The following RAD51B variants were observed in gnomAD, a reference collection of about 807,000 sequenced individuals.
The protein encoded by RAD51B is RAD51 paralog B.
In RAD51B, 38 loss-of-function variants were observed where a neutral mutation model predicts 42.2. That is an observed-to-expected ratio of 0.90 (90% CI 0.70 to 1.18). The LOEUF (loss-of-function observed/expected upper bound fraction) is 1.18, where lower values mean the gene tolerates loss of function less well. RAD51B is among the 50% of genes most tolerant of loss of function. RAD51B has a pLI of 0.00. For missense variants in RAD51B, 373 were observed against 400.7 expected, an observed-to-expected ratio of 0.93 and a Z score of 0.59; for synonymous variants, 154 against 145.2, an observed-to-expected ratio of 1.06 and a Z score of -0.43.
intron 7 of RAD51B, among the ~76,000 whole-genome samples, chr14:68,185,395 G>A (rs2079137815): frequency 1.3e-5 from 2 of 152,088 alleles, no homozygotes; most frequent in Admixed American, 1.3e-4. Flanking sequence ...GCAAGAGGAA[G>A]GAATTCCATA....
chr14:68,202,399 A>G (rs2079504498), intron 7 of RAD51B, among the ~76,000 whole-genome samples: 1 of 152,186 alleles, frequency 6.6e-6, no homozygotes, highest in African/African-American at 2.4e-5. Context: ...AACCCATAGT[A>G]GAACTTTAAA....
chr14:68,465,312 C>A (rs1305540407), intron 9 of RAD51B, among the ~76,000 whole-genome samples: 1 of 152,136 alleles, frequency 6.6e-6, no homozygotes, highest in Non-Finnish European at 1.5e-5. Context: ...TCTGGCACAG[C>A]TATAGTTTAG....
At chr14:68,630,674 G>A (rs1892206294) in intron 10 of RAD51B, among the ~76,000 whole-genome samples, 1 of 152,106 alleles carries the variant, frequency 6.6e-6, no homozygotes, top group Admixed American at 6.5e-5. Context: ...TCAGAGGGTG[G>A]GATCGTTCCA....
At chr14:68,001,038 C>T (rs569889836) in intron 7 of RAD51B, among the ~76,000 whole-genome samples, 1 of 151,802 alleles carries the variant, frequency 6.6e-6, no homozygotes, top group Non-Finnish European at 1.5e-5. Flanking sequence ...GACTTTTGTC[C>T]TCAAAGATCT....
At chr14:68,599,137 G>A (rs1429693182), downstream of RAD51B, among the ~76,000 whole-genome samples, 2 of 152,196 alleles carry the variant, frequency 1.3e-5, no homozygotes, top group Admixed American at 6.5e-5. Flanking sequence ...ACATCGGCCA[G>A]TACCCTATTC....
intron 7 of RAD51B, among the ~76,000 whole-genome samples, chr14:67,931,009 C>T (rs900523021): frequency 6.6e-6 from 1 of 151,946 alleles, no homozygotes; most frequent in Admixed American, 6.6e-5. Context: ...CAAGCTCCGC[C>T]GCCTGCATTC....
At chr14:68,289,618 G>T (rs1168687846) in intron 7 of RAD51B, among the ~76,000 whole-genome samples, 1 of 152,092 alleles carries the variant, frequency 6.6e-6, no homozygotes, top group Non-Finnish European at 1.5e-5. Flanking sequence ...GGAAGCTGAG[G>T]CAGGAGAAAT....
At chr14:68,384,873 A>G (rs540779698) in intron 8 of RAD51B, among the ~76,000 whole-genome samples, 90 of 152,232 alleles carry the variant, frequency 5.9e-4, no homozygotes, top group African/African-American at 2.1e-3. Flanking sequence ...GTATACTCCA[A>G]TTGTGGGTGA....
chr14:68,573,804 G>T (rs1889827954), intron 10 of RAD51B, among the ~76,000 whole-genome samples: 1 of 152,208 alleles, frequency 6.6e-6, no homozygotes, highest in African/African-American at 2.4e-5. Context: ...CCACCAAGGG[G>T]GCAGGCCTTC....
intron 8 of RAD51B, among the ~76,000 whole-genome samples, chr14:68,346,362 T>C (rs1484131094): frequency 1.3e-5 from 2 of 152,200 alleles, no homozygotes; most frequent in Non-Finnish European, 2.9e-5. Context: ...AAAGATCCCA[T>C]TCCTCCTCTT....
At chr14:68,562,990 G>C in intron 10 of RAD51B, 1 of 985,430 alleles carries the variant, frequency 1.0e-6, no homozygotes, top group Non-Finnish European at 1.2e-6. Context: ...GCTGCTGCCG[G>C]TCCCTCCAGA....
chr14:68,608,340 A>T (rs1891536937), intron 10 of RAD51B, among the ~76,000 whole-genome samples: 1 of 152,202 alleles, frequency 6.6e-6, no homozygotes, highest in Non-Finnish European at 1.5e-5. Flanking sequence ...TAAGAGGGGA[A>T]GTGCTGAGGG....
At chr14:67,948,269 A>G (rs1220783474) in intron 7 of RAD51B, among the ~76,000 whole-genome samples, 1 of 152,152 alleles carries the variant, frequency 6.6e-6, no homozygotes, top group Non-Finnish European at 1.5e-5. Flanking sequence ...ATCAGATGTG[A>G]TTAAGTTCAG....
chr14:68,338,097 A>G (rs372761139), intron 8 of RAD51B, among the ~76,000 whole-genome samples: 2 of 152,212 alleles, frequency 1.3e-5, no homozygotes, highest in South Asian at 4.1e-4. Flanking sequence ...AGGCCCAAAA[A>G]TCTTTTATTT....
At chr14:68,433,437 T>G (rs1200947275) in intron 9 of RAD51B, among the ~76,000 whole-genome samples, 1 of 152,176 alleles carries the variant, frequency 6.6e-6, no homozygotes, top group African/African-American at 2.4e-5. Flanking sequence ...TTGGAGGCTT[T>G]GTTCATTTCT....
intron 10 of RAD51B, among the ~76,000 whole-genome samples, chr14:68,556,929 C>T (rs1367361232): frequency 6.6e-6 from 1 of 152,292 alleles, no homozygotes; most frequent in East Asian, 1.9e-4. Context: ...CTTCCTCACA[C>T]CTCATTCCAT....
intron 11 of RAD51B, among the ~76,000 whole-genome samples, chr14:68,676,511 T>A (rs1893305584): frequency 6.6e-6 from 1 of 152,170 alleles, no homozygotes; most frequent in African/African-American, 2.4e-5. Flanking sequence ...TGCTTTGTAG[T>A]TCTGGAAACT....
chr14:68,637,885 A>G (rs1453192348), intron 10 of RAD51B, among the ~76,000 whole-genome samples: 1 of 152,242 alleles, frequency 6.6e-6, no homozygotes, highest in East Asian at 1.9e-4. Context: ...CCCACAGCAC[A>G]TTTTAGCACA....
At chr14:68,645,868 A>C (rs549447614) in intron 10 of RAD51B, among the ~76,000 whole-genome samples, 1 of 152,302 alleles carries the variant, frequency 6.6e-6, no homozygotes, top group South Asian at 2.1e-4. Context: ...GAATTTGTGC[A>C]TAAATTTCTG....
Sources: allele counts gnomAD v4.1 joint callset (sites outside exome capture counted in the v4.1 genomes callset), GRCh38; gene constraint gnomAD v4.1.1; transcripts MANE v1.5; gene names NCBI Gene and HGNC (gene_info 2026-07-23, HGNC 2026-07-21).